The following TIAM2 variants were observed in gnomAD, a reference collection of about 807,000 sequenced individuals.
TIAM2 encodes the protein TIAM Rac1 associated GEF 2.
A neutral mutation model predicts 152.9 loss-of-function variants in TIAM2; 80 were observed. That is an observed-to-expected ratio of 0.52 (90% confidence interval 0.44 to 0.63). The LOEUF (loss-of-function observed/expected upper bound fraction) is 0.63, where lower values mean the gene tolerates loss of function less well. TIAM2 is among the 30% of genes least tolerant of loss of function. The pLI is 0.00. For synonymous variants in TIAM2, 804 were observed against 838.0 expected, an observed-to-expected ratio of 0.96 and a Z score of 0.70; for missense variants, 1,965 against 2,120.1, an observed-to-expected ratio of 0.93 and a Z score of 1.44.
chr6:155,040,937 A>G (rs1227918874), intron 1 of TIAM2, among the ~76,000 whole-genome samples: 2 of 152,182 alleles, frequency 1.3e-5, no homozygotes, highest in African/African-American at 4.8e-5. Flanking sequence ...CTTTGTCATA[A>G]GAGAATTTAT....
chr6:155,158,202 G>A (rs983507789), intron 7 of TIAM2, among the ~76,000 whole-genome samples: 2 of 152,234 alleles, frequency 1.3e-5, no homozygotes, highest in Non-Finnish European at 2.9e-5. Flanking sequence ...GGACTGCTGG[G>A]TGTGGCAGGA....
intron 2 of TIAM2, among the ~76,000 whole-genome samples, chr6:155,115,812 C>T (rs942866139): frequency 6.6e-6 from 1 of 152,170 alleles, no homozygotes; most frequent in Non-Finnish European, 1.5e-5. Flanking sequence ...GGTATCCCGG[C>T]ACACAGCAGC....
chr6:155,045,353 C>T (rs1212963237), intron 1 of TIAM2, among the ~76,000 whole-genome samples: 1 of 151,998 alleles, frequency 6.6e-6, no homozygotes, highest in Non-Finnish European at 1.5e-5. Flanking sequence ...TGAGCCACCA[C>T]GCCCGGCAGA....
At chr6:155,029,364 A>G (rs139053768) in intron 1 of TIAM2, among the ~76,000 whole-genome samples, 1,317 of 104,128 alleles carry the variant, frequency 0.013, 108 homozygotes, top group African/African-American at 0.031. Context: ...GTTATATATA[A>G]TATATACTAT....
chr6:155,045,020 T>G (rs923735258), intron 1 of TIAM2, among the ~76,000 whole-genome samples: 1 of 151,870 alleles, frequency 6.6e-6, no homozygotes, highest in Non-Finnish European at 1.5e-5. Context: ...TCTTTTTCTC[T>G]TACTGAAAGC....
At chr6:155,237,042 C>G (rs1237923193) in intron 15 of TIAM2, among the ~76,000 whole-genome samples, 1 of 152,228 alleles carries the variant, frequency 6.6e-6, no homozygotes, top group East Asian at 1.9e-4. Context: ...AAAATCTCAT[C>G]CCAGAGAAGG....
In TIAM2 at chr6:155,197,706, G is replaced by A. The variant is rs150166177; in HGVS notation, c.3065-13498G>A. 9.2e-5 allele frequency among the ~76,000 whole-genome samples: 14 copies of A among 152,106 alleles called. No individual in the cohort carries two copies. The East Asian group carries it at 9.7e-4, about 10-fold the overall frequency. ...GCAAACATGTCCTTCTTCACATGGCGGCGGCAAGCAGAAGGGCCGACCAAA... is the reference window on the plus strand; with the variant it reads ...GCAAACATGTCCTTCTTCACATGGCAGCGGCAAGCAGAAGGGCCGACCAAA... On this transcript the variant is annotated intron_variant, in intron 14 of 26. Coordinates refer to ENST00000682666, the MANE Select transcript of TIAM2 (RefSeq NM_012454.4).
chr6:155,217,953 T>G (rs775185614), intron 15 of TIAM2, among the ~76,000 whole-genome samples: 6 of 152,240 alleles, frequency 3.9e-5, no homozygotes, highest in African/African-American at 2.4e-5. Context: ...AGTTTTTTTT[T>G]GTCACATGAA....
chr6:155,072,202 G>A (rs1777853974), intron 1 of TIAM2, among the ~76,000 whole-genome samples: 2 of 152,180 alleles, frequency 1.3e-5, no homozygotes, highest in African/African-American at 4.8e-5. Flanking sequence ...ACATTGAAAG[G>A]TTTCAAACTC....
At chr6:155,244,952 G>A in intron 18 of TIAM2, 169 bp downstream of exon 18, 1 of 858,662 alleles carries the variant, frequency 1.2e-6, no homozygotes, top group Non-Finnish European at 1.6e-6. Flanking sequence ...GTAAAGGAAG[G>A]CTGTATATAT....
rs1265236887 is a variant in TIAM2 at position 155,240,573 on chromosome 6, G to C, written c.3212G>C (p.Ser1071Thr). ...GCACTGTGCAGGAGTTTTAACGACA[G>C]TCAGGCCAACGGCATGGAAGGACCG... is the stretch of plus-strand genomic sequence containing the variant. ...ITALCRSFND[S>T]QANGMEGPRE... The change falls in exon 16 of 27, where the codon AGT becomes ACT. Residue 1071 changes from serine (S) to threonine (T), a missense_variant. Physicochemically the swap from Ser to Thr is moderately conservative, Grantham distance 58. This residue lies in a region of TIAM2 where 935 missense variants were observed against 980.0 expected (regional missense o/e 0.95). Transcript: ENST00000682666. 1 of 1,614,012 alleles carries C rather than the reference G, an allele frequency of 6.2e-7. No homozygotes were observed. Among genetic ancestry groups the C allele is most frequent in the African/African-American group, 1.3e-5 (1 of 74,946 alleles).
chr6:155,229,397 G>T (rs764979049), intron 15 of TIAM2, among the ~76,000 whole-genome samples: 2 of 152,180 alleles, frequency 1.3e-5, no homozygotes, highest in Non-Finnish European at 2.9e-5. Flanking sequence ...TTGAGCCCTG[G>T]CCTTTGTGGA....
chr6:155,056,647 G>T (rs990676497), intron 1 of TIAM2, among the ~76,000 whole-genome samples: 1 of 151,862 alleles, frequency 6.6e-6, no homozygotes, highest in South Asian at 2.1e-4. Flanking sequence ...AGTTTTTATT[G>T]TAGAACAATT....
intron 2 of TIAM2, among the ~76,000 whole-genome samples, chr6:155,104,743 A>G (rs1371258166): frequency 4.9e-5 from 7 of 142,566 alleles, no homozygotes; most frequent in Non-Finnish European, 1.1e-4. Context: ...GGCAACAGAG[A>G]GAGACTCTGT....
At chr6:155,035,049 C>T (rs534455932) in intron 1 of TIAM2, among the ~76,000 whole-genome samples, 38 of 152,158 alleles carry the variant, frequency 2.5e-4, no homozygotes, top group African/African-American at 5.3e-4. Flanking sequence ...TATGGGTCCA[C>T]GAAGCTTTCA....
chr6:155,257,695 G>C lies in TIAM2; in HGVS notation c.*574G>C. The C allele has an allele frequency of 3.2e-6, 3 of 934,682 alleles. No individual in the cohort carries two copies. Among genetic ancestry groups the C allele is most frequent in the South Asian group, 3.1e-5 (2 of 65,116 alleles). The allele number at this position is 934,682 out of a possible 1,614,324, so 57.9% of individuals were successfully genotyped here. A position where few individuals can be genotyped will look rare whatever the true frequency, so the allele number is the denominator to read the frequency against. The stretch of plus-strand genomic sequence containing the variant: ...TGATGATATTTATTTTCTCTGCCAA[G>C]CTGTATAGTAAAAGGAAAATAAGTC... On this transcript the variant is annotated 3_prime_UTR_variant, in exon 27 of 27. Coordinates refer to ENST00000682666, the MANE Select transcript of TIAM2 (RefSeq NM_012454.4).
At chr6:155,172,659 TATATATATATATATATATATATA>T (rs1562341004) in intron 9 of TIAM2, among the ~76,000 whole-genome samples, 154 of 9,022 alleles carry the variant, frequency 0.017, 3 homozygotes, top group African/African-American at 0.041. Flanking sequence ...TATATATATA[TATATATATATATATATATATATA>T]TATATTTTTT....
chr6:155,234,958 G>A (rs908791856), intron 15 of TIAM2, among the ~76,000 whole-genome samples: 7 of 152,026 alleles, frequency 4.6e-5, no homozygotes, highest in Admixed American at 1.3e-4. Flanking sequence ...GGGGCTGTGC[G>A]GACAGCTAGA....
At chr6:155,082,920 A>T (rs1184946202) in intron 1 of TIAM2, among the ~76,000 whole-genome samples, 1 of 151,996 alleles carries the variant, frequency 6.6e-6, no homozygotes, top group Non-Finnish European at 1.5e-5. Flanking sequence ...GCTACTTTTT[A>T]ACACTCCCTC....
Sources: allele counts gnomAD v4.1 joint callset (sites outside exome capture counted in the v4.1 genomes callset), GRCh38; gene constraint gnomAD v4.1.1; regional missense constraint gnomAD v4.1.1; transcripts MANE v1.5; gene names NCBI Gene and HGNC (gene_info 2026-07-23, HGNC 2026-07-21).